The following UBE2E2 variants were observed in gnomAD, a reference collection of about 807,000 sequenced individuals.
UBE2E2 encodes the protein ubiquitin-conjugating enzyme E2 E2.
A neutral mutation model predicts 24.7 loss-of-function variants in UBE2E2; 6 were observed. The ratio of observed to expected loss-of-function variants is 0.24; its 90% CI spans 0.13 to 0.48. UBE2E2 has a LOEUF of 0.48. Ranked by LOEUF, UBE2E2 falls within the 20% of genes least tolerant of loss-of-function variation. UBE2E2 has a pLI of 0.99. For missense variants in UBE2E2, 169 were observed against 245.0 expected (o/e 0.69, Z 2.07); for synonymous variants, 104 against 83.6 (o/e 1.24, Z -1.33).
At chr3:23,344,975 T>C (rs998345472) in intron 3 of UBE2E2, among the ~76,000 whole-genome samples, 2 of 152,166 alleles carry the variant, frequency 1.3e-5, no homozygotes, top group African/African-American at 4.8e-5. Flanking sequence ...TCAATTCCAT[T>C]GTGGACTCTC....
intron 5 of UBE2E2, among the ~76,000 whole-genome samples, chr3:23,569,223 A>G (rs1032349540): frequency 2.0e-5 from 3 of 152,220 alleles, no homozygotes; most frequent in Non-Finnish European, 4.4e-5. Context: ...AACCAATCAC[A>G]AGAGACTACA....
intron 3 of UBE2E2, among the ~76,000 whole-genome samples, chr3:23,462,697 A>G (rs911132271): frequency 2.0e-5 from 3 of 152,150 alleles, no homozygotes; most frequent in African/African-American, 7.2e-5. Context: ...TGTGAAAAAA[A>G]ATACTTTTGA....
chr3:23,398,708 A>G (rs1697140363), intron 3 of UBE2E2, among the ~76,000 whole-genome samples: 2 of 152,132 alleles, frequency 1.3e-5, no homozygotes, highest in South Asian at 4.1e-4. Context: ...ACTGTTAGAA[A>G]TTGTTTCTCT....
At chr3:23,289,803 C>T (rs765549338) in intron 3 of UBE2E2, among the ~76,000 whole-genome samples, 5 of 152,178 alleles carry the variant, frequency 3.3e-5, no homozygotes, top group Non-Finnish European at 5.9e-5. Flanking sequence ...AGTGACATTA[C>T]ATTAAAGCTT....
chr3:23,554,219 C>T (rs1695719679), intron 5 of UBE2E2, among the ~76,000 whole-genome samples: 1 of 151,994 alleles, frequency 6.6e-6, no homozygotes. Context: ...ACCATTGGTA[C>T]AGAATAAAGA....
At position 23,309,782 on chromosome 3, in the gene UBE2E2, C is replaced by T. The variant is rs779496132; in HGVS notation, c.227+92470C>T. On this transcript the variant is annotated intron_variant, in intron 3 of 5. Transcript: ENST00000396703. ...AACTACTTTCAAGTTAGCTCAGTCA[C>T]GTTCCTGCCAGGTTGATGCTGGTTT... 1.2e-4 allele frequency among the ~76,000 whole-genome samples: 19 copies of T among 152,164 alleles called. 1 individual carries two copies. Among genetic ancestry groups the T allele is most frequent in the Non-Finnish European group, 2.8e-4 (19 of 68,034 alleles).
intron 3 of UBE2E2, among the ~76,000 whole-genome samples, chr3:23,346,658 AT>A (rs1695566453): frequency 6.6e-6 from 1 of 152,214 alleles, no homozygotes; most frequent in African/African-American, 2.4e-5. Context: ...GTTACTTTCC[AT>A]TACCATGCAT....
At chr3:23,588,412 T>TG (rs1274871762) in intron 5 of UBE2E2, among the ~76,000 whole-genome samples, 1 of 55,422 alleles carries the variant, frequency 1.8e-5, no homozygotes, top group Admixed American at 1.7e-4. Context: ...GTTTTTTTGT[T>TG]TTTTTTTTTT....
chr3:23,314,082 A>G (rs1251572090), intron 3 of UBE2E2, among the ~76,000 whole-genome samples: 1 of 152,082 alleles, frequency 6.6e-6, no homozygotes, highest in Non-Finnish European at 1.5e-5. Flanking sequence ...TGCTGTTTTT[A>G]CTTATATCTT....
intron 3 of UBE2E2, among the ~76,000 whole-genome samples, chr3:23,398,569 A>T (rs1697136935): frequency 6.6e-6 from 1 of 152,196 alleles, no homozygotes; most frequent in African/African-American, 2.4e-5. Flanking sequence ...CTGAGTATAC[A>T]TTATAGGTAT....
chr3:23,545,103 G>T (rs1422013136), intron 5 of UBE2E2, among the ~76,000 whole-genome samples: 1 of 152,086 alleles, frequency 6.6e-6, no homozygotes, highest in Non-Finnish European at 1.5e-5. Flanking sequence ...GTTTTATACC[G>T]AGACATTCCA....
At chr3:23,274,783 G>T (rs772665999) in intron 3 of UBE2E2, among the ~76,000 whole-genome samples, 7 of 152,142 alleles carry the variant, frequency 4.6e-5, no homozygotes, top group East Asian at 1.9e-4. Context: ...AATATTCTGA[G>T]TAGCTCTTAT....
intron 3 of UBE2E2, among the ~76,000 whole-genome samples, chr3:23,480,361 C>T (rs964738818): frequency 6.6e-6 from 1 of 152,196 alleles, no homozygotes; most frequent in Non-Finnish European, 1.5e-5. Flanking sequence ...ACTTTGAAGC[C>T]TATGGGGGCA....
At chr3:23,321,116 T>C (rs1279219635) in intron 3 of UBE2E2, among the ~76,000 whole-genome samples, 2 of 152,250 alleles carry the variant, frequency 1.3e-5, no homozygotes, top group African/African-American at 4.8e-5. Context: ...CAGCATTTTT[T>C]CTCATGTGTC....
chr3:23,520,310 TAA>T (rs1418958914), intron 4 of UBE2E2, among the ~76,000 whole-genome samples: 1 of 152,208 alleles, frequency 6.6e-6, no homozygotes, highest in Non-Finnish European at 1.5e-5. Flanking sequence ...GATTATGTAA[TAA>T]ATGCAAGTCA....
intron 3 of UBE2E2, among the ~76,000 whole-genome samples, chr3:23,294,603 TTATTTTATTAGA>T (rs1283042925): frequency 6.7e-6 from 1 of 148,496 alleles, no homozygotes; most frequent in Non-Finnish European, 1.5e-5. Context: ...TTTTATTAGA[TTATTTTATTAGA>T]TATTTTATTA....
intron 3 of UBE2E2, among the ~76,000 whole-genome samples, chr3:23,300,794 G>C (rs1172825202): frequency 6.6e-6 from 1 of 151,926 alleles, no homozygotes; most frequent in African/African-American, 2.4e-5. Flanking sequence ...GTATCTTTGT[G>C]GTGTTCTCTA....
Position 23,208,759 on chromosome 3 carries a change from T to C in UBE2E2, c.60T>C (p.Asp20=), listed in dbSNP as rs556344961. ...CAAGCACTAGTGGAGGAAGTTCCGA[T>C]GGAGATCAACGTGAAAGTGTTCAGC... The part of the protein sequence containing the change: ...DSPSTSGGSS[D]GDQRESVQQE... Residue 20 remains aspartate (D), a synonymous_variant, in exon 2 of 6, where the codon GAT becomes GAC. Transcript: ENST00000396703. 2.5e-6 allele frequency: 4 copies of C among 1,613,750 alleles called. No homozygotes were observed. Among genetic ancestry groups the C allele is most frequent in the Admixed American group, 1.7e-5 (1 of 59,964 alleles).
At position 23,590,717 on chromosome 3, in the gene UBE2E2, C is replaced by T. The variant is rs570454624; in HGVS notation, c.*886C>T. ...CTAATATTTCTTTGGAGTTGAGTTG[C>T]TTAGCATGTGGAATTTCTCCAGCTG... On this transcript the variant is annotated 3_prime_UTR_variant, in exon 6 of 6. Coordinates refer to ENST00000396703, the MANE Select transcript of UBE2E2 (RefSeq NM_152653.4). 6.6e-6 allele frequency: 1 copy of T among 152,324 alleles called. No homozygotes were observed. Among genetic ancestry groups the T allele is most frequent in the Non-Finnish European group, 1.5e-5 (1 of 68,022 alleles). The allele number at this position is 152,324 out of a possible 1,614,324, so 9.4% of individuals were successfully genotyped here.
Sources: gnomAD v4.1 joint callset for allele counts (sites outside exome capture counted in the v4.1 genomes callset) on GRCh38, gnomAD v4.1.1 for gene constraint, MANE v1.5 for transcripts, NCBI Gene and HGNC (gene_info 2026-07-23, HGNC 2026-07-21) for gene names.